The following SHOX variants were observed in gnomAD, a reference collection of about 807,000 sequenced individuals.
The protein encoded by SHOX is short stature homeobox protein.
In SHOX, 12 loss-of-function variants were observed where a neutral mutation model predicts 29.6. The ratio of observed to expected loss-of-function variants is 0.41; its 90% CI spans 0.26 to 0.66. SHOX has a LOEUF of 0.66. SHOX is among the 30% of genes least tolerant of loss of function. The probability of loss-of-function intolerance (pLI) is 0.35; values close to 1 mark genes in which losing one functional copy is unlikely to be tolerated. For synonymous variants in SHOX, 214 were observed against 200.6 expected, an observed-to-expected ratio of 1.07 and a Z score of -0.57; for missense variants, 499 against 437.7, an observed-to-expected ratio of 1.14 and a Z score of -1.25.
chrX:642,636 G>A (rs1569494911), intron 4 of SHOX, among the ~76,000 whole-genome samples: 1 of 152,156 alleles, frequency 6.6e-6, no homozygotes, highest in Non-Finnish European at 1.5e-5. Flanking sequence ...TGCCGACGGC[G>A]GGACCCAGTG....
intron 5 of SHOX, among the ~76,000 whole-genome samples, chrX:658,625 C>T (rs899569120): frequency 4.6e-5 from 7 of 151,766 alleles, no homozygotes; most frequent in East Asian, 3.9e-4. Flanking sequence ...CGCCCGCCAC[C>T]GCGCCCGGCT....
chrX:635,180 G>A (rs1335636546), intron 2 of SHOX, among the ~76,000 whole-genome samples: 1 of 152,114 alleles, frequency 6.6e-6, no homozygotes, highest in African/African-American at 2.4e-5. Context: ...GCTCCTGACT[G>A]CCTTCGGTTC....
chrX:628,180 C>T (rs766006899), upstream of SHOX, among the ~76,000 whole-genome samples: 65 of 150,230 alleles, frequency 4.3e-4, 1 homozygote, highest in South Asian at 0.011. Context: ...TCTGTCTCTC[C>T]GTTTCTCTCT....
At chrX:635,210 G>C (rs2052724041) in intron 2 of SHOX, among the ~76,000 whole-genome samples, 1 of 151,968 alleles carries the variant, frequency 6.6e-6, no homozygotes, top group Non-Finnish European at 1.5e-5. Flanking sequence ...TGGTTATAGG[G>C]GCAACACATG....
In SHOX at chrX:635,535, G is replaced by A. The variant is rs560563835; in HGVS notation, c.486+709G>A. Among the ~76,000 whole-genome samples the A allele has an allele frequency of 3.3e-5, 5 of 152,250 alleles. No homozygotes were observed. In the East Asian group the frequency reaches 5.8e-4, roughly 18 times the overall value. The stretch of plus-strand genomic sequence containing the variant: ...CCTCCTCCCTCCGGCTGTGGGGAGC[G>A]CAGGAGCACGTTGGGCATCTGGATG... On this transcript the variant is annotated intron_variant, in intron 2 of 4. Transcript: ENST00000686671.
At chrX:631,336 G>C in intron 1 of SHOX, 162 bp downstream of exon 1, 2 of 418,938 alleles carry the variant, frequency 4.8e-6, no homozygotes, top group Non-Finnish European at 3.2e-6. Context: ...AGGAAGGAAG[G>C]CAGGAGTGGA....
intron 5 of SHOX, chrX:658,685 A>T (rs75922705): frequency 0.011 from 2,320 of 220,086 alleles, 43 homozygotes; most frequent in African/African-American, 0.048. Context: ...TTAGCCAGGA[A>T]GGTCTCGATC....
At position 651,228 on chromosome X, in the gene SHOX, TC is replaced by T; in HGVS notation, c.*6597del. On this transcript the variant is annotated 3_prime_UTR_variant, in exon 5 of 5. Coordinates refer to ENST00000686671, the MANE Select transcript of SHOX (RefSeq NM_000451.4). Reference sequence around the variant, plus strand: ...AAAACTGTTGCTTTTTCTTTTTCCCTCCCCCATTGACGACATAGCGGCCCCC... The same window carrying T: ...AAAACTGTTGCTTTTTCTTTTTCCCTCCCCATTGACGACATAGCGGCCCCC... 2 of 437,540 alleles carry T rather than the reference TC, an allele frequency of 4.6e-6. No individual in the cohort carries two copies. The highest frequency in any genetic ancestry group is 9.2e-6 in the Non-Finnish European group (2 of 217,620). The allele number at this position is 437,540 out of a possible 1,614,324, so 27.1% of individuals were successfully genotyped here. A position where few individuals can be genotyped will look rare whatever the true frequency, so the allele number is the denominator to read the frequency against.
rs1208243544 is a variant in SHOX, at chrX:651,290, A to G, written c.*6654A>G. On this transcript the variant is annotated 3_prime_UTR_variant, in exon 5 of 5. Transcript: ENST00000686671. ...TACAAATACATCTACAGATATTTTC[A>G]GGGATTGCTTCAGATGAAAACAAAT... The G allele has an allele frequency of 1.1e-5, 5 of 455,734 alleles. No homozygotes were observed. The highest frequency in any genetic ancestry group is 1.4e-4 in the East Asian group (2 of 14,376). The allele number at this position is 455,734 out of a possible 1,614,324, so 28.2% of individuals were successfully genotyped here. A position where few individuals can be genotyped will look rare whatever the true frequency, so the allele number is the denominator to read the frequency against.
chrX:630,844 G>A lies in SHOX; in HGVS notation c.-54G>A. On this transcript the variant is annotated 5_prime_UTR_variant, in exon 1 of 5. Transcript: ENST00000686671. ...CGCGCACGGGCCGTCCTCTCCGCGC[G>A]GGGAGACGCGCGCATCCACCAGCCC... 6.2e-7 allele frequency: 1 copy of A among 1,607,580 alleles called. No homozygotes were observed. Among genetic ancestry groups the A allele is most frequent in the Non-Finnish European group, 8.5e-7 (1 of 1,176,888 alleles).
upstream of SHOX, among the ~76,000 whole-genome samples, chrX:628,248 T>G (rs1201319082): frequency 1.7e-5 from 2 of 119,268 alleles, no homozygotes; most frequent in African/African-American, 3.2e-5. Flanking sequence ...CATCTCCCAG[T>G]CTCTCCCTTT....
chrX:634,294 C>G (rs2052701396), intron 1 of SHOX, among the ~76,000 whole-genome samples: 1 of 151,830 alleles, frequency 6.6e-6, no homozygotes, highest in Non-Finnish European at 1.5e-5. Flanking sequence ...AATTCTTTCC[C>G]TTAAAAATAG....
In SHOX at chrX:650,965, C is replaced by T. The variant is rs754932898; in HGVS notation, c.*6329C>T. Among the ~76,000 whole-genome samples the T allele has an allele frequency of 6.6e-6, 1 of 152,116 alleles. No homozygotes were observed. The highest frequency in any genetic ancestry group is 2.4e-5 in the African/African-American group (1 of 41,492). On this transcript the variant is annotated 3_prime_UTR_variant, in exon 5 of 5. Transcript: ENST00000686671. ...GCCGGTTAAGGAATGTAGACAATAT[C>T]CCGTTTCAAAGCTATGAAATGTGCT...
At chrX:638,046 C>A (rs1004086302) in intron 2 of SHOX, among the ~76,000 whole-genome samples, 6 of 152,154 alleles carry the variant, frequency 3.9e-5, no homozygotes, top group Non-Finnish European at 5.9e-5. Flanking sequence ...TCATTATTCA[C>A]TGTCTGTAAT....
At chrX:634,368 A>T (rs1335848221) in intron 1 of SHOX, among the ~76,000 whole-genome samples, 2 of 152,246 alleles carry the variant, frequency 1.3e-5, no homozygotes, top group East Asian at 3.9e-4. Flanking sequence ...ATGTCAACAG[A>T]GGTGAAGTGG....
chrX:644,495 C>T lies in SHOX; in HGVS notation c.738C>T (p.Phe246=), dbSNP rs771336598. 4 of 1,521,790 alleles carry T rather than the reference C, an allele frequency of 2.6e-6. No individual in the cohort carries two copies. Among genetic ancestry groups the T allele is most frequent in the Admixed American group, 2.0e-5 (1 of 50,092 alleles). 94.3% of individuals were successfully genotyped at this position (1,521,790 alleles called of 1,614,324 possible). ...ACCTGATGTTCCCCCCGCCGCCCTT[C>T]GGGCTGCCCATCGCGTCGCTGGCCG... is the stretch of plus-strand genomic sequence containing the variant. ...APYLMFPPPP[F]GLPIASLAES... Residue 246 remains phenylalanine, a synonymous_variant, in exon 5 of 5, where the codon TTC becomes TTT. Coordinates refer to ENST00000686671, the MANE Select transcript of SHOX (RefSeq NM_000451.4).
chrX:634,670 C>T lies in SHOX; in HGVS notation c.330C>T (p.Asp110=), dbSNP rs1035840052. 5.6e-6 allele frequency: 9 copies of T among 1,613,792 alleles called. No individual in the cohort carries two copies. The highest frequency in any genetic ancestry group is 4.0e-5 in the African/African-American group (3 of 74,924). The change falls in exon 2 of 5, where the codon GAC becomes GAT. Residue 110 remains aspartate, a synonymous_variant. Transcript: ENST00000686671. ...KREDVKSEDE[D]GQTKLKQRRS... ...AGGACGTGAAGTCGGAGGACGAGGA[C>T]GGGCAGACCAAGCTGAAACAGAGGC... is the stretch of plus-strand genomic sequence containing the variant.
At chrX:624,904 CTCTTCCTTTCTTTCTTTCTTTCTTTCT>C (rs2052485948) in intron 1 of SHOX, among the ~76,000 whole-genome samples, 4 of 94,930 alleles carry the variant, frequency 4.2e-5, no homozygotes, top group South Asian at 8.2e-4. Context: ...CTTTCTTTCT[CTCTTCCTTTCTTTCTTTCTTTCTTTCT>C]TTTCTTTCTT....
chrX:629,996 C>T (rs941338255), upstream of SHOX, among the ~76,000 whole-genome samples: 13 of 152,190 alleles, frequency 8.5e-5, no homozygotes, highest in Non-Finnish European at 1.8e-4. Flanking sequence ...AGGGAGGAGG[C>T]CTCGCGCCGG....
Sources: gnomAD v4.1 joint callset for allele counts (sites outside exome capture counted in the v4.1 genomes callset) on GRCh38, gnomAD v4.1.1 for gene constraint, MANE v1.5 for transcripts, NCBI Gene and HGNC (gene_info 2026-07-23, HGNC 2026-07-21) for gene names.